Variants in DPP10 observed in about 807,000 individuals in gnomAD.
DPP10 encodes inactive dipeptidyl peptidase 10.
In DPP10, 33 loss-of-function variants were observed where a neutral mutation model predicts 120.9. The observed-to-expected ratio is 0.27, with a 90% CI of 0.21 to 0.37. The LOEUF (loss-of-function observed/expected upper bound fraction) is 0.37. Ranked by LOEUF, DPP10 falls within the 10% of genes least tolerant of loss-of-function variation. The pLI, the probability that DPP10 is intolerant of heterozygous loss-of-function variation, is 1.00. For synonymous variants in DPP10, 337 were observed against 326.1 expected, an observed-to-expected ratio of 1.03 and a Z score of -0.36; for missense variants, 816 against 942.8, an observed-to-expected ratio of 0.87 and a Z score of 1.76.
At chr2:115,783,485 T>C (rs1293619838) in intron 17 of DPP10, among the ~76,000 whole-genome samples, 2 of 152,156 alleles carry the variant, frequency 1.3e-5, no homozygotes, top group Non-Finnish European at 2.9e-5. Flanking sequence ...ATGACAAATA[T>C]CATTTTGAGA....
At chr2:115,309,375 C>G in intron 2 of DPP10, 22 bp downstream of exon 2, 1 of 1,596,708 alleles carries the variant, frequency 6.3e-7, no homozygotes, top group Non-Finnish European at 8.6e-7. Context: ...TTATTCCTCT[C>G]TTATGATGGA....
intron 1 of DPP10, among the ~76,000 whole-genome samples, chr2:114,919,761 T>G (rs1360594461): frequency 6.6e-6 from 1 of 152,200 alleles, no homozygotes; most frequent in Non-Finnish European, 1.5e-5. Flanking sequence ...CTGGCATAAC[T>G]GAGTAGTTCT....
chr2:114,927,691 G>A (rs1447716027), intron 1 of DPP10, among the ~76,000 whole-genome samples: 2 of 152,150 alleles, frequency 1.3e-5, no homozygotes, highest in Non-Finnish European at 2.9e-5. Flanking sequence ...TCCTTTCACA[G>A]TATCTTAGTC....
At chr2:115,215,328 A>G (rs1287832137) in intron 1 of DPP10, among the ~76,000 whole-genome samples, 3 of 152,220 alleles carry the variant, frequency 2.0e-5, no homozygotes, top group African/African-American at 4.8e-5. Flanking sequence ...AATTTATTTG[A>G]CCAATATGAT....
At chr2:114,926,155 C>T (rs1046985771) in intron 1 of DPP10, among the ~76,000 whole-genome samples, 2 of 152,072 alleles carry the variant, frequency 1.3e-5, no homozygotes, top group Non-Finnish European at 2.9e-5. Context: ...GAATTTGTTG[C>T]CCATTTTTTT....
intron 1 of DPP10, among the ~76,000 whole-genome samples, chr2:114,615,455 C>G (rs1044171845): frequency 9.9e-5 from 15 of 152,134 alleles, no homozygotes; most frequent in African/African-American, 3.6e-4. Flanking sequence ...CTCTGTCTCT[C>G]TCTGTATTGG....
At chr2:115,671,179 C>T (rs1425669181) in intron 5 of DPP10, among the ~76,000 whole-genome samples, 1 of 151,740 alleles carries the variant, frequency 6.6e-6, no homozygotes, top group Admixed American at 6.6e-5. Flanking sequence ...CTGTTTTATC[C>T]AGTTTTTCTT....
intron 1 of DPP10, among the ~76,000 whole-genome samples, chr2:114,964,465 G>A (rs1186287847): frequency 6.6e-6 from 1 of 152,014 alleles, no homozygotes; most frequent in Admixed American, 6.6e-5. Context: ...GAAGTGTGGG[G>A]GTATTGAAAT....
At chr2:114,492,736 A>G (rs1682116827) in intron 1 of DPP10, among the ~76,000 whole-genome samples, 1 of 152,254 alleles carries the variant, frequency 6.6e-6, no homozygotes, top group African/African-American at 2.4e-5. Context: ...CTCAGTCAGC[A>G]GCAGCAGCAG....
intron 5 of DPP10, among the ~76,000 whole-genome samples, chr2:115,682,811 G>A (rs947169043): frequency 6.6e-6 from 1 of 151,762 alleles, no homozygotes; most frequent in African/African-American, 2.4e-5. Flanking sequence ...TCATTAGGTT[G>A]TCAGCATTTA....
chr2:114,687,454 G>A (rs1699448185), intron 1 of DPP10, among the ~76,000 whole-genome samples: 1 of 151,950 alleles, frequency 6.6e-6, no homozygotes, highest in African/African-American at 2.4e-5. Context: ...TTTTATGTGG[G>A]TAGATCTGGT....
At chr2:114,863,533 T>G (rs936755783) in intron 1 of DPP10, among the ~76,000 whole-genome samples, 1 of 152,116 alleles carries the variant, frequency 6.6e-6, no homozygotes, top group African/African-American at 2.4e-5. Context: ...CCAGATCTCC[T>G]TCCCAATTGC....
chr2:115,294,059 ATATT>A (rs1433638694), intron 1 of DPP10, among the ~76,000 whole-genome samples: 5 of 152,128 alleles, frequency 3.3e-5, no homozygotes, highest in Admixed American at 3.3e-4. Context: ...GATTCAATGA[ATATT>A]TATTGATTAA....
At chr2:114,716,580 A>C (rs1701361986) in intron 1 of DPP10, among the ~76,000 whole-genome samples, 1 of 152,224 alleles carries the variant, frequency 6.6e-6, no homozygotes, top group Non-Finnish European at 1.5e-5. Context: ...GTTTCACCTA[A>C]TTGGGCAGTC....
chr2:115,565,748 GT>G (rs11327867), intron 5 of DPP10, among the ~76,000 whole-genome samples: 134,952 of 138,436 alleles, frequency 0.97, 65,804 homozygotes, highest in South Asian at 0.99. Context: ...GAGGTTATGG[GT>G]TTTTTTTTTT....
chr2:115,375,792 G>C (rs1437567159), intron 3 of DPP10, among the ~76,000 whole-genome samples: 1 of 152,194 alleles, frequency 6.6e-6, no homozygotes, highest in Non-Finnish European at 1.5e-5. Flanking sequence ...GTGCAAGAGA[G>C]AGAGCAAGGG....
At chr2:115,566,709 A>C (rs1363884880) in intron 5 of DPP10, among the ~76,000 whole-genome samples, 1 of 152,170 alleles carries the variant, frequency 6.6e-6, no homozygotes, top group Non-Finnish European at 1.5e-5. Flanking sequence ...CCTTTTAGTA[A>C]AGAATTATAT....
chr2:115,397,386 A>G (rs893640815), intron 3 of DPP10, among the ~76,000 whole-genome samples: 1 of 152,178 alleles, frequency 6.6e-6, no homozygotes, highest in African/African-American at 2.4e-5. Context: ...TTTCATTTTA[A>G]TTCAAGCACT....
chr2:115,371,964 AAC>A (rs1170049768), intron 3 of DPP10, among the ~76,000 whole-genome samples: 1 of 152,134 alleles, frequency 6.6e-6, no homozygotes, highest in Non-Finnish European at 1.5e-5. Flanking sequence ...TTCATCTGAG[AAC>A]TCATCTGATC....
Sources: gnomAD v4.1 joint callset for allele counts (sites outside exome capture counted in the v4.1 genomes callset) on GRCh38, gnomAD v4.1.1 for gene constraint, MANE v1.5 for transcripts, NCBI Gene and HGNC (gene_info 2026-07-23, HGNC 2026-07-21) for gene names.